The following PRDM16 variants were observed in gnomAD, a reference collection of about 807,000 sequenced individuals.
The protein encoded by PRDM16 is PR/SET domain 16.
A neutral mutation model predicts 110.6 loss-of-function variants in PRDM16; 23 were observed. The observed-to-expected ratio is 0.21, with a 90% confidence interval of 0.15 to 0.29. The LOEUF is 0.29. PRDM16 is among the 10% of genes least tolerant of loss of function. The probability of loss-of-function intolerance (pLI) is 1.00; values close to 1 mark genes in which losing one functional copy is unlikely to be tolerated. For synonymous variants in PRDM16, 799 were observed against 781.8 expected (o/e 1.02, Z -0.37); for missense variants, 1,615 against 1,794.3 (o/e 0.90, Z 1.81).
chr1:3,318,023 C>T (rs1229644994), intron 3 of PRDM16, among the ~76,000 whole-genome samples: 1 of 152,244 alleles, frequency 6.6e-6, no homozygotes, highest in Non-Finnish European at 1.5e-5. Context: ...AAGGAAGCCA[C>T]CCACGGCGGC....
chr1:3,124,153 G>A (rs1454189465), intron 1 of PRDM16, among the ~76,000 whole-genome samples: 5 of 152,332 alleles, frequency 3.3e-5, no homozygotes, highest in South Asian at 2.1e-4. Flanking sequence ...GGACAGGGCC[G>A]TGGAGCTGGC....
In PRDM16 at chr1:3,402,836, C is replaced by G; in HGVS notation, c.722C>G (p.Ser241Cys). Reference sequence around the variant, plus strand: ...GACGAGTGTGACGAACTCTTCCAGTCCAAGCTGGACCTGCGGCGCCATAAG... The same window carrying G: ...GACGAGTGTGACGAACTCTTCCAGTGCAAGCTGGACCTGCGGCGCCATAAG... ...RCDECDELFQ[S>C]KLDLRRHKKY... The change falls in exon 6 of 17, where the codon TCC (serine) becomes TGC (cysteine). Residue 241 changes from serine to cysteine, a missense_variant. Physicochemically the swap from Ser to Cys is moderately radical, Grantham distance 112. Coordinates refer to ENST00000270722, the MANE Select transcript of PRDM16 (RefSeq NM_022114.4). 1 of 1,613,084 alleles carries G rather than the reference C, an allele frequency of 6.2e-7. No homozygotes were observed. Among genetic ancestry groups the G allele is most frequent in the Non-Finnish European group, 8.5e-7 (1 of 1,179,958 alleles).
intron 3 of PRDM16, among the ~76,000 whole-genome samples, chr1:3,271,928 A>G (rs1640465043): frequency 6.6e-6 from 1 of 152,208 alleles, no homozygotes; most frequent in South Asian, 2.1e-4. Context: ...AGGTAGGATA[A>G]GGTGCCTGAT....
At chr1:3,073,605 G>T (rs1387471162) in intron 1 of PRDM16, among the ~76,000 whole-genome samples, 2 of 152,132 alleles carry the variant, frequency 1.3e-5, no homozygotes, top group African/African-American at 4.8e-5. Flanking sequence ...TGCAGCGGCG[G>T]CCGCGGGCTC....
chr1:3,407,852 G>A (rs935566978), intron 8 of PRDM16, among the ~76,000 whole-genome samples: 3 of 152,216 alleles, frequency 2.0e-5, no homozygotes, highest in African/African-American at 7.2e-5. Flanking sequence ...GGCGACTCTT[G>A]CGCTTCTTGT....
At chr1:3,182,541 T>C (rs1393065) in intron 1 of PRDM16, among the ~76,000 whole-genome samples, 45,678 of 152,026 alleles carry the variant, frequency 0.3, 6,971 homozygotes, top group Admixed American at 0.37. Context: ...TCATTTCCTA[T>C]AGCCTGGGTG....
chr1:3,386,560 G>A (rs751941176), intron 4 of PRDM16: 1 of 147,468 alleles, frequency 6.8e-6, no homozygotes, highest in Admixed American at 6.8e-5. Context: ...CCTTCAGTTA[G>A]AGCCAAAAAT....
chr1:3,435,269 C>T lies in PRDM16; in HGVS notation c.*1458C>T, dbSNP rs942336734. 3 of 222,484 alleles carry T rather than the reference C, an allele frequency of 1.3e-5. No homozygotes were observed. Among genetic ancestry groups the T allele is most frequent in the African/African-American group, 4.5e-5 (2 of 44,600 alleles). 13.8% of individuals were successfully genotyped at this position (222,484 alleles called of 1,614,324 possible). ...TTCATTTCTTTTCTTATTTTATTTC[C>T]TCCTTAACAGTATTTTTGGCATTAG... On this transcript the variant is annotated 3_prime_UTR_variant, in exon 17 of 17. Transcript: ENST00000270722.
At chr1:3,272,551 A>G (rs1284518288) in intron 3 of PRDM16, among the ~76,000 whole-genome samples, 4 of 152,270 alleles carry the variant, frequency 2.6e-5, no homozygotes, top group Admixed American at 6.5e-5. Context: ...CTGGGGCTCC[A>G]TTCTCCAAAG....
At position 3,273,636 on chromosome 1, in the gene PRDM16, A is replaced by G. The variant is rs536559705; in HGVS notation, c.438+29499A>G. ...GGCACGTAAGTGTGTGTGTGCATGC[A>G]TGTGTGTGTATGGCCTGCATCTATG... is the stretch of plus-strand genomic sequence containing the variant. On this transcript the variant is annotated intron_variant, in intron 3 of 16. Transcript: ENST00000270722. Among the ~76,000 whole-genome samples, 22 of 150,736 alleles carry G rather than the reference A, an allele frequency of 1.5e-4. 2 individuals carry two copies. The Middle Eastern group carries it at 0.011, about 72-fold the overall frequency.
At chr1:3,336,856 T>G (rs980279573) in intron 3 of PRDM16, among the ~76,000 whole-genome samples, 4 of 150,886 alleles carry the variant, frequency 2.7e-5, no homozygotes, top group African/African-American at 9.8e-5. Flanking sequence ...TGTGTTGGTC[T>G]GAATATATGT....
intron 3 of PRDM16, among the ~76,000 whole-genome samples, chr1:3,362,452 C>T (rs1341433275): frequency 2.6e-5 from 4 of 151,936 alleles, no homozygotes; most frequent in African/African-American, 9.7e-5. Context: ...GGGAGGTGCC[C>T]GGGAGTGGGG....
rs1046631981 is a variant in PRDM16, at chr1:3,361,072, G to A, written c.439-24080G>A. 3.9e-5 allele frequency among the ~76,000 whole-genome samples: 6 copies of A among 152,234 alleles called. No individual in the cohort carries two copies. In the East Asian group the frequency reaches 9.6e-4, roughly 24 times the overall value. ...TCTGCGGAACAGCGTTCCATTGAGC[G>A]CAGGAAAGGCCTTTTGAAGTGGGGA... On this transcript the variant is annotated intron_variant, in intron 3 of 16. Coordinates refer to ENST00000270722, the MANE Select transcript of PRDM16 (RefSeq NM_022114.4).
chr1:3,146,840 CGT>C (rs1246377266), intron 1 of PRDM16, among the ~76,000 whole-genome samples: 1 of 75,494 alleles, frequency 1.3e-5, no homozygotes, highest in Non-Finnish European at 2.4e-5. Flanking sequence ...TGTGTGCACA[CGT>C]GTGTGCTCAG....
At chr1:3,373,870 C>G (rs1449448656) in intron 3 of PRDM16, among the ~76,000 whole-genome samples, 1 of 152,264 alleles carries the variant, frequency 6.6e-6, no homozygotes, top group East Asian at 1.9e-4. Context: ...AAAGCATCCA[C>G]AGGAAGAAGA....
chr1:3,394,512 T>G, intron 4 of PRDM16: 3 of 410,958 alleles, frequency 7.3e-6, no homozygotes, highest in Non-Finnish European at 4.9e-6. Context: ...GGGTGGGTGG[T>G]GCGGCCTGGA....
chr1:3,270,889 G>T (rs537528992), intron 3 of PRDM16, among the ~76,000 whole-genome samples: 1 of 151,566 alleles, frequency 6.6e-6, no homozygotes, highest in African/African-American at 2.4e-5. Flanking sequence ...GAGGAGGACC[G>T]TTGGGAGGAG....
intron 1 of PRDM16, among the ~76,000 whole-genome samples, chr1:3,114,169 A>ACACG (rs140919657): frequency 4.0e-5 from 4 of 100,788 alleles, no homozygotes; most frequent in Admixed American, 1.0e-4. Flanking sequence ...ACACACGCAC[A>ACACG]CACACGCACA....
At chr1:3,329,702 G>A (rs917774690) in intron 3 of PRDM16, among the ~76,000 whole-genome samples, 3 of 152,238 alleles carry the variant, frequency 2.0e-5, no homozygotes, top group Non-Finnish European at 4.4e-5. Context: ...AGTTGAGTGT[G>A]ATTCTGGCTG....
Sources: allele counts gnomAD v4.1 joint callset (sites outside exome capture counted in the v4.1 genomes callset), GRCh38; gene constraint gnomAD v4.1.1; transcripts MANE v1.5; gene names NCBI Gene and HGNC (gene_info 2026-07-23, HGNC 2026-07-21).